CLSTN2: variants seen among roughly 807,000 people sequenced by gnomAD.
The protein encoded by CLSTN2 is calsyntenin-2.
Under a neutral mutation model 101.2 loss-of-function variants are expected in CLSTN2, and 48 were observed. That is an observed-to-expected ratio of 0.47 (90% CI 0.38 to 0.60). CLSTN2 has a LOEUF of 0.60. CLSTN2 is among the 20% of genes least tolerant of loss of function. The pLI is 0.00. For synonymous variants in CLSTN2, 481 were observed against 463.6 expected, an observed-to-expected ratio of 1.04 and a Z score of -0.48; for missense variants, 1,160 against 1,238.2, an observed-to-expected ratio of 0.94 and a Z score of 0.95.
chr3:140,015,661 G>A (rs79799225), intron 1 of CLSTN2, among the ~76,000 whole-genome samples: 181 of 152,382 alleles, frequency 1.2e-3, no homozygotes, highest in Non-Finnish European at 2.1e-3. Context: ...AAGATCAATA[G>A]TTCTGGACAT....
intron 2 of CLSTN2, among the ~76,000 whole-genome samples, chr3:140,178,591 A>G (rs1345532234): frequency 6.6e-6 from 1 of 152,238 alleles, no homozygotes; most frequent in Non-Finnish European, 1.5e-5. Context: ...TCTTAGGAGT[A>G]AAAAATAAAG....
intron 1 of CLSTN2, among the ~76,000 whole-genome samples, chr3:140,123,090 G>A (rs900597209): frequency 2.0e-5 from 3 of 147,988 alleles, no homozygotes; most frequent in African/African-American, 5.0e-5. Flanking sequence ...AGATGAAGGT[G>A]CTGGCAGATT....
chr3:140,423,780 T>C (rs56389844), intron 5 of CLSTN2, among the ~76,000 whole-genome samples: 9,431 of 152,306 alleles, frequency 0.062, 358 homozygotes, highest in African/African-American at 0.11. Context: ...ACTAGCTCTC[T>C]AGCTCATTGC....
intron 1 of CLSTN2, among the ~76,000 whole-genome samples, chr3:140,088,030 C>A (rs1010736445): frequency 6.6e-6 from 1 of 152,140 alleles, no homozygotes; most frequent in African/African-American, 2.4e-5. Flanking sequence ...GGGGGCTCAA[C>A]AGGAGGCTAA....
intron 2 of CLSTN2, among the ~76,000 whole-genome samples, chr3:140,216,379 G>A (rs1411975284): frequency 2.6e-5 from 4 of 152,194 alleles, no homozygotes; most frequent in Admixed American, 6.5e-5. Flanking sequence ...CAGCACTAAC[G>A]TGGGGGCTTC....
intron 4 of CLSTN2, among the ~76,000 whole-genome samples, chr3:140,420,505 A>C (rs2088489678): frequency 6.6e-6 from 1 of 152,218 alleles, no homozygotes; most frequent in Non-Finnish European, 1.5e-5. Context: ...AGGAGCAAAA[A>C]CACACAAACA....
intron 2 of CLSTN2, among the ~76,000 whole-genome samples, chr3:140,223,015 T>C (rs1025358823): frequency 6.6e-6 from 1 of 152,196 alleles, no homozygotes; most frequent in African/African-American, 2.4e-5. Context: ...AACCCAGAGA[T>C]ACAACACTTG....
intron 8 of CLSTN2, among the ~76,000 whole-genome samples, chr3:140,480,199 G>C (rs752209300): frequency 6.6e-6 from 1 of 151,778 alleles, no homozygotes; most frequent in Non-Finnish European, 1.5e-5. Flanking sequence ...TGCAGTGTTT[G>C]GTTTTTTCTC....
chr3:139,950,068 G>C (rs1449456138), intron 1 of CLSTN2, among the ~76,000 whole-genome samples: 1 of 152,216 alleles, frequency 6.6e-6, no homozygotes, highest in East Asian at 1.9e-4. Context: ...GCAGCAGGAA[G>C]AGGGGCCAAC....
At chr3:140,376,690 G>C (rs1029549279) in intron 2 of CLSTN2, among the ~76,000 whole-genome samples, 2 of 152,126 alleles carry the variant, frequency 1.3e-5, no homozygotes. Flanking sequence ...TTGTCTGATT[G>C]TGCAATCACA....
intron 2 of CLSTN2, among the ~76,000 whole-genome samples, chr3:140,206,405 G>A (rs545543565): frequency 6.6e-6 from 1 of 152,316 alleles, no homozygotes; most frequent in Admixed American, 6.5e-5. Flanking sequence ...AAGAGTGGCA[G>A]GGCAGAGATT....
rs538179154 is a variant in CLSTN2 at position 140,356,707 on chromosome 3, G to A, written c.233-46922G>A. 4.3e-3 allele frequency among the ~76,000 whole-genome samples: 595 copies of A among 139,246 alleles called. 2 individuals carry two copies. Among genetic ancestry groups the A allele is most frequent in the South Asian group, 5.6e-3 (25 of 4,434 alleles). 91.4% of individuals were successfully genotyped at this position (139,246 alleles called of 152,430 possible). On this transcript the variant is annotated intron_variant, in intron 2 of 16. Coordinates refer to ENST00000458420, the MANE Select transcript of CLSTN2 (RefSeq NM_022131.3). ...CAGGAAGCGGAGGTTGCAATGAGCC[G>A]AGATCATGCCACTGCACTCCAGCCT...
chr3:140,491,666 C>A (rs1336748284), intron 8 of CLSTN2, among the ~76,000 whole-genome samples: 1 of 151,900 alleles, frequency 6.6e-6, no homozygotes, highest in Non-Finnish European at 1.5e-5. Context: ...AATAAGAATC[C>A]AAAAAATTAG....
At chr3:140,216,107 A>G (rs575328465) in intron 2 of CLSTN2, among the ~76,000 whole-genome samples, 49 of 152,212 alleles carry the variant, frequency 3.2e-4, no homozygotes, top group Admixed American at 1.7e-3. Context: ...AGGCGCATGA[A>G]CCCTATTGTG....
intron 1 of CLSTN2, among the ~76,000 whole-genome samples, chr3:140,091,155 T>C (rs769178217): frequency 2.0e-5 from 3 of 152,172 alleles, no homozygotes; most frequent in Non-Finnish European, 4.4e-5. Flanking sequence ...GTAAGGATTG[T>C]TGTGCACAAA....
At chr3:140,510,940 C>T (rs1934801686) in intron 8 of CLSTN2, among the ~76,000 whole-genome samples, 2 of 152,154 alleles carry the variant, frequency 1.3e-5, no homozygotes, top group Non-Finnish European at 2.9e-5. Flanking sequence ...GTTTGCTGCA[C>T]AGATCATCCC....
At chr3:140,421,643 G>A (rs749875839) in intron 5 of CLSTN2, among the ~76,000 whole-genome samples, 10 of 152,160 alleles carry the variant, frequency 6.6e-5, no homozygotes, top group Admixed American at 2.0e-4. Flanking sequence ...TTTGCATCAC[G>A]GATCAACACC....
intron 2 of CLSTN2, among the ~76,000 whole-genome samples, chr3:140,361,602 T>A (rs949298508): frequency 3.9e-5 from 6 of 152,150 alleles, no homozygotes; most frequent in African/African-American, 1.2e-4. Context: ...AACAAAATTA[T>A]CTTAGAATGA....
chr3:140,404,114 G>A (rs866235966), intron 3 of CLSTN2, among the ~76,000 whole-genome samples: 8 of 152,182 alleles, frequency 5.3e-5, no homozygotes, highest in African/African-American at 1.7e-4. Flanking sequence ...GCCCACCCCC[G>A]CAGACCTGGT....
Sources: gnomAD v4.1 joint callset for allele counts (sites outside exome capture counted in the v4.1 genomes callset) on GRCh38, gnomAD v4.1.1 for gene constraint, MANE v1.5 for transcripts, NCBI Gene and HGNC (gene_info 2026-07-23, HGNC 2026-07-21) for gene names.